Variants in PLEKHM3 observed in about 807,000 individuals in gnomAD.
PLEKHM3 encodes pleckstrin homology domain-containing family M member 3.
In PLEKHM3, 45 loss-of-function variants were observed where a neutral mutation model predicts 81.8. The ratio of observed to expected loss-of-function variants is 0.55; its 90% CI spans 0.43 to 0.71. The LOEUF is 0.71. PLEKHM3 is among the 30% of genes least tolerant of loss of function. The pLI, the probability that PLEKHM3 is intolerant of heterozygous loss-of-function variation, is 0.00. For missense variants in PLEKHM3, 788 were observed against 924.3 expected, an observed-to-expected ratio of 0.85 and a Z score of 1.91; for synonymous variants, 352 against 356.4, an observed-to-expected ratio of 0.99 and a Z score of 0.14.
intron 2 of PLEKHM3, among the ~76,000 whole-genome samples, chr2:207,980,858 G>C (rs1343585131): frequency 6.6e-6 from 1 of 152,120 alleles, no homozygotes; most frequent in Non-Finnish European, 1.5e-5. Flanking sequence ...GCCGGGCACG[G>C]TGGCTTACAC....
At chr2:207,845,752 A>T (rs1224614684) in intron 7 of PLEKHM3, among the ~76,000 whole-genome samples, 2 of 152,252 alleles carry the variant, frequency 1.3e-5, no homozygotes, top group East Asian at 3.8e-4. Flanking sequence ...CAAACTCTCT[A>T]TTCATTCATG....
intron 2 of PLEKHM3, among the ~76,000 whole-genome samples, chr2:207,993,840 A>C (rs1330763720): frequency 6.6e-6 from 1 of 152,198 alleles, no homozygotes; most frequent in Non-Finnish European, 1.5e-5. Flanking sequence ...TTTCTTTAAA[A>C]ATTTTTTATT....
intron 6 of PLEKHM3, among the ~76,000 whole-genome samples, chr2:207,889,063 A>G (rs568043528): frequency 6.6e-6 from 1 of 152,298 alleles, no homozygotes; most frequent in South Asian, 2.1e-4. Context: ...GATCTGTCCA[A>G]TTACTTTGTG....
At chr2:208,014,041 A>G (rs1037129280) in intron 1 of PLEKHM3, among the ~76,000 whole-genome samples, 2 of 152,040 alleles carry the variant, frequency 1.3e-5, no homozygotes, top group Admixed American at 6.6e-5. Context: ...AAGGTGACTC[A>G]CCTCTTGTTT....
chr2:207,912,555 A>T (rs1688842211), intron 5 of PLEKHM3, among the ~76,000 whole-genome samples: 1 of 152,232 alleles, frequency 6.6e-6, no homozygotes, highest in Admixed American at 6.5e-5. Context: ...GGTGGCCATT[A>T]CAAATAAAGA....
chr2:207,992,322 A>G (rs1205507333), intron 2 of PLEKHM3, among the ~76,000 whole-genome samples: 1 of 152,198 alleles, frequency 6.6e-6, no homozygotes, highest in Non-Finnish European at 1.5e-5. Context: ...TCAGGATAAT[A>G]TCATCTATTA....
chr2:207,931,395 G>A (rs1689593928), intron 4 of PLEKHM3, among the ~76,000 whole-genome samples: 1 of 152,152 alleles, frequency 6.6e-6, no homozygotes, highest in Non-Finnish European at 1.5e-5. Context: ...GTATGGTGCC[G>A]TTATACTGAC....
intron 6 of PLEKHM3, among the ~76,000 whole-genome samples, chr2:207,875,050 G>A (rs939313731): frequency 2.2e-4 from 34 of 151,862 alleles, no homozygotes; most frequent in African/African-American, 7.2e-4. Flanking sequence ...TGTAATCTTA[G>A]ATGCTATAAA....
chr2:208,001,113 GGCTGCTGCTGTT>G lies in PLEKHM3; in HGVS notation c.515_526del (p.Gln172_Gln175del), dbSNP rs776097761. 1.3e-6 allele frequency: 2 copies of G among 1,594,374 alleles called. No homozygotes were observed. Among genetic ancestry groups the G allele is most frequent in the East Asian group, 2.3e-5 (1 of 43,212 alleles). On this transcript the variant is annotated inframe_deletion, in exon 2 of 8. Transcript: ENST00000427836. ...GGTGACATGCGGGCCTTGAAGCAAT[GGCTGCTGCTGTT>G]GCTGCTGCTGCAAAGGCGTGGTTTT...
rs1259637365 is a variant in PLEKHM3, at chr2:208,001,085, C to T, written c.555G>A (p.Arg185=). ...TTGGTGAGGGCAACAGAAAAGATGG[C>T]CTGGTGACATGCGGGCCTTGAAGCA... ...QPLLQGPHVT[R]PSFLLPSPNK... The change falls in exon 2 of 8, where the codon AGG becomes AGA. Residue 185 remains arginine, a synonymous_variant. Coordinates refer to ENST00000427836, the MANE Select transcript of PLEKHM3 (RefSeq NM_001080475.3). The T allele has an allele frequency of 1.3e-6, 2 of 1,571,700 alleles. No individual in the cohort carries two copies. Among genetic ancestry groups the T allele is most frequent in the African/African-American group, 1.4e-5 (1 of 73,354 alleles).
chr2:207,932,434 A>G (rs541997656), intron 4 of PLEKHM3, among the ~76,000 whole-genome samples: 1 of 152,360 alleles, frequency 6.6e-6, no homozygotes, highest in South Asian at 2.1e-4. Context: ...CCTCTCTAAA[A>G]ACTTTCCATT....
chr2:207,993,207 CT>C (rs1167120065), intron 2 of PLEKHM3, among the ~76,000 whole-genome samples: 1 of 152,154 alleles, frequency 6.6e-6, no homozygotes, highest in Non-Finnish European at 1.5e-5. Context: ...AGAATGTGGG[CT>C]GTCAATGAGG....
chr2:207,848,748 A>G (rs2092397469), intron 7 of PLEKHM3, among the ~76,000 whole-genome samples: 1 of 152,200 alleles, frequency 6.6e-6, no homozygotes, highest in Admixed American at 6.5e-5. Context: ...GGTGGTATGG[A>G]TTGCAGTGAA....
intron 1 of PLEKHM3, among the ~76,000 whole-genome samples, chr2:208,025,112 C>T (rs1425657037): frequency 1.3e-5 from 2 of 152,168 alleles, no homozygotes; most frequent in Non-Finnish European, 2.9e-5. Flanking sequence ...ATACTAATAA[C>T]GCACTCAACA....
chr2:208,003,185 GTTC>G (rs1692371721), intron 1 of PLEKHM3, among the ~76,000 whole-genome samples: 1 of 152,224 alleles, frequency 6.6e-6, no homozygotes. Context: ...CCCTGCACAA[GTTC>G]TTCTCTTGTC....
At chr2:207,929,860 C>T (rs1327505606) in intron 5 of PLEKHM3, 1 of 690,644 alleles carries the variant, frequency 1.4e-6, no homozygotes, top group Non-Finnish European at 2.6e-6. Context: ...TCCATCACTT[C>T]AATACTTTCC....
At chr2:207,839,615 A>C (rs2105887312) in intron 7 of PLEKHM3, among the ~76,000 whole-genome samples, 1 of 152,264 alleles carries the variant, frequency 6.6e-6, no homozygotes, top group South Asian at 2.1e-4. Flanking sequence ...CAGCCAAGCC[A>C]GCATCACTAG....
At chr2:207,883,327 G>A (rs1397485956) in intron 6 of PLEKHM3, among the ~76,000 whole-genome samples, 4 of 152,176 alleles carry the variant, frequency 2.6e-5, no homozygotes, top group Non-Finnish European at 5.9e-5. Flanking sequence ...GAGTCCAATG[G>A]TGAGGTTCTT....
At chr2:208,015,821 C>A (rs1574494000) in intron 1 of PLEKHM3, among the ~76,000 whole-genome samples, 2 of 152,104 alleles carry the variant, frequency 1.3e-5, no homozygotes, top group African/African-American at 2.4e-5. Context: ...ATGTTTCTGT[C>A]AAAAGAATTA....
Sources: allele counts gnomAD v4.1 joint callset (sites outside exome capture counted in the v4.1 genomes callset), GRCh38; gene constraint gnomAD v4.1.1; transcripts MANE v1.5; gene names NCBI Gene and HGNC (gene_info 2026-07-23, HGNC 2026-07-21).